The following ZSWIM6 variants were observed in gnomAD, a reference collection of about 807,000 sequenced individuals.
The protein encoded by ZSWIM6 is zinc finger SWIM-type containing 6.
ZSWIM6 carries 9 observed loss-of-function variants against 113.2 expected under a neutral mutation model. That is an observed-to-expected ratio of 0.08 (90% CI 0.05 to 0.14). The LOEUF (loss-of-function observed/expected upper bound fraction) is 0.14. Among genes scored for constraint, ZSWIM6 ranks in the 10% least tolerant of loss-of-function variants. The pLI, the probability that ZSWIM6 is intolerant of heterozygous loss-of-function variation, is 1.00. For missense variants in ZSWIM6, 1,162 were observed against 1,552.2 expected (o/e 0.75, Z 4.22); for synonymous variants, 611 against 606.5 (o/e 1.01, Z -0.11).
chr5:61,499,377 A>G (rs1052195399), intron 4 of ZSWIM6, among the ~76,000 whole-genome samples: 1 of 152,146 alleles, frequency 6.6e-6, no homozygotes, highest in African/African-American at 2.4e-5. Context: ...ATCAGTGTGT[A>G]TGAAGCACTT....
intron 1 of ZSWIM6, among the ~76,000 whole-genome samples, chr5:61,403,912 T>G (rs1180901850): frequency 6.6e-6 from 1 of 152,246 alleles, no homozygotes; most frequent in Non-Finnish European, 1.5e-5. Flanking sequence ...TGAGTAGCTT[T>G]CCTTGGATAG....
rs1444215019 is a variant in ZSWIM6, at chr5:61,545,563, CATT to C, written c.*1249_*1251del. The stretch of plus-strand genomic sequence containing the variant: ...TAAGCTAACCTTTGTGCACAAATAA[CATT>C]ATATATATTATATATCTATTCTGCA... On this transcript the variant is annotated 3_prime_UTR_variant, in exon 14 of 14. Coordinates refer to ENST00000252744, the MANE Select transcript of ZSWIM6 (RefSeq NM_020928.2). The C allele has an allele frequency of 6.6e-6, 1 of 152,078 alleles. No individual in the cohort carries two copies. The highest frequency in any genetic ancestry group is 2.4e-5 in the African/African-American group (1 of 41,414). 9.4% of individuals were successfully genotyped at this position (152,078 alleles called of 1,614,324 possible).
intron 1 of ZSWIM6, among the ~76,000 whole-genome samples, chr5:61,435,128 A>G (rs1310267314): frequency 6.6e-6 from 1 of 152,212 alleles, no homozygotes; most frequent in Non-Finnish European, 1.5e-5. Context: ...ACCTTCTGTC[A>G]TTTGATAAAT....
At chr5:61,462,389 A>G (rs1471993390) in intron 1 of ZSWIM6, among the ~76,000 whole-genome samples, 1 of 152,262 alleles carries the variant, frequency 6.6e-6, no homozygotes, top group Non-Finnish European at 1.5e-5. Context: ...ATTAAAACTA[A>G]AAGTTATTTT....
chr5:61,410,419 C>G (rs1436285231), intron 1 of ZSWIM6, among the ~76,000 whole-genome samples: 2 of 150,816 alleles, frequency 1.3e-5, no homozygotes, highest in African/African-American at 4.9e-5. Context: ...AGGCGATTCT[C>G]CTGCCTCAGC....
At chr5:61,538,116 C>T (rs747591044) in intron 10 of ZSWIM6, among the ~76,000 whole-genome samples, 13 of 152,048 alleles carry the variant, frequency 8.5e-5, no homozygotes, top group African/African-American at 2.9e-4. Flanking sequence ...AACAGGGTTT[C>T]GCCATGACAG....
At chr5:61,371,475 C>G (rs926204027) in intron 1 of ZSWIM6, among the ~76,000 whole-genome samples, 2 of 152,108 alleles carry the variant, frequency 1.3e-5, no homozygotes, top group Non-Finnish European at 2.9e-5. Context: ...AAGAGAAGCA[C>G]GTCAGAATTT....
chr5:61,365,556 T>C lies in ZSWIM6; in HGVS notation c.676+32608T>C, dbSNP rs113423120. On this transcript the variant is annotated intron_variant, in intron 1 of 13. Coordinates refer to ENST00000252744, the MANE Select transcript of ZSWIM6 (RefSeq NM_020928.2). ...TTTGACAGCTCTTTTATTTTTGAGG[T>C]ATCTCAGATATATTTTGTATGATCC... 7.8e-4 allele frequency among the ~76,000 whole-genome samples: 119 copies of C among 152,316 alleles called. 2 individuals are homozygous for C. The highest frequency in any genetic ancestry group is 1.7e-3 in the African/African-American group (72 of 41,572).
At chr5:61,434,598 A>C (rs1242722993) in intron 1 of ZSWIM6, among the ~76,000 whole-genome samples, 1 of 152,184 alleles carries the variant, frequency 6.6e-6, no homozygotes, top group Non-Finnish European at 1.5e-5. Flanking sequence ...AGCTCCATCT[A>C]AGCTGCTGCA....
intron 1 of ZSWIM6, among the ~76,000 whole-genome samples, chr5:61,434,692 T>G (rs919267487): frequency 1.3e-5 from 2 of 152,210 alleles, no homozygotes; most frequent in African/African-American, 4.8e-5. Context: ...ACTTGTTGGT[T>G]GATGGGCATT....
chr5:61,459,077 C>T (rs554660616), intron 1 of ZSWIM6, among the ~76,000 whole-genome samples: 1 of 152,252 alleles, frequency 6.6e-6, no homozygotes, highest in South Asian at 2.1e-4. Flanking sequence ...CACTCTTTCA[C>T]ATTTGAAACC....
chr5:61,431,470 G>A (rs1054999236), intron 1 of ZSWIM6, among the ~76,000 whole-genome samples: 17 of 151,562 alleles, frequency 1.1e-4, no homozygotes, highest in Admixed American at 3.3e-4. Context: ...TACTGGCTGG[G>A]CGCAGTAGCT....
intron 1 of ZSWIM6, among the ~76,000 whole-genome samples, chr5:61,442,244 A>G (rs1333306163): frequency 3.3e-5 from 5 of 152,114 alleles, no homozygotes; most frequent in African/African-American, 1.2e-4. Flanking sequence ...TAACTTTCTC[A>G]AGTTCTAAGA....
At chr5:61,406,255 A>G (rs1042767672) in intron 1 of ZSWIM6, among the ~76,000 whole-genome samples, 1 of 152,230 alleles carries the variant, frequency 6.6e-6, no homozygotes, top group Non-Finnish European at 1.5e-5. Context: ...TCATTATTGC[A>G]TATCACTGTC....
At position 61,538,039 on chromosome 5, in the gene ZSWIM6, T is replaced by G. The variant is rs1749627580; in HGVS notation, c.2382-775T>G. On this transcript the variant is annotated intron_variant, in intron 10 of 13. Coordinates refer to ENST00000252744, the MANE Select transcript of ZSWIM6 (RefSeq NM_020928.2). ...CCCAGGCTCAGCTGATCCTCCCATC[T>G]CAGCCTTCCAAGTAGCTGGGATTAC... is the stretch of plus-strand genomic sequence containing the variant. Among the ~76,000 whole-genome samples, 3 of 152,212 alleles carry G rather than the reference T, an allele frequency of 2.0e-5. No individual in the cohort carries two copies. In the South Asian group the frequency reaches 6.2e-4, roughly 31 times the overall value.
rs569993502 is a variant in ZSWIM6 at position 61,363,182 on chromosome 5, A to T, written c.676+30234A>T. 2.0e-5 allele frequency among the ~76,000 whole-genome samples: 3 copies of T among 152,326 alleles called. No homozygotes were observed. The South Asian group carries it at 6.2e-4, about 32-fold the overall frequency. On this transcript the variant is annotated intron_variant, in intron 1 of 13. Transcript: ENST00000252744. ...GCACTGCCTGCAAGGAAGGTGTTTG[A>T]TCTGAACCCTCTGAGGCCAATCAAA... is the stretch of plus-strand genomic sequence containing the variant.
At chr5:61,447,947 G>C (rs1195846617) in intron 1 of ZSWIM6, among the ~76,000 whole-genome samples, 1 of 152,216 alleles carries the variant, frequency 6.6e-6, no homozygotes, top group Admixed American at 6.5e-5. Flanking sequence ...GTAAAGAGAA[G>C]TTGGTCAGCA....
At chr5:61,361,200 T>G (rs185139935) in intron 1 of ZSWIM6, among the ~76,000 whole-genome samples, 1 of 152,230 alleles carries the variant, frequency 6.6e-6, no homozygotes, top group Admixed American at 6.5e-5. Flanking sequence ...TTTAAACACA[T>G]TGCTTCCTTT....
chr5:61,341,461 A>G (rs1193431771), intron 1 of ZSWIM6, among the ~76,000 whole-genome samples: 2 of 152,228 alleles, frequency 1.3e-5, no homozygotes, highest in Admixed American at 6.5e-5. Flanking sequence ...GTGACCAGAA[A>G]TATGCCATAG....
Sources: gnomAD v4.1 joint callset for allele counts (sites outside exome capture counted in the v4.1 genomes callset) on GRCh38, gnomAD v4.1.1 for gene constraint, MANE v1.5 for transcripts, NCBI Gene and HGNC (gene_info 2026-07-23, HGNC 2026-07-21) for gene names.